ANO4: variants seen among roughly 807,000 people sequenced by gnomAD.
ANO4 encodes anoctamin 4, also known as anoctamin-4.
A neutral mutation model predicts 141.9 loss-of-function variants in ANO4; 69 were observed. That is an observed-to-expected ratio of 0.49 (90% CI 0.40 to 0.59). The LOEUF (loss-of-function observed/expected upper bound fraction) is 0.59, where lower values mean the gene tolerates loss of function less well. Ranked by LOEUF, ANO4 falls within the 20% of genes least tolerant of loss-of-function variation. ANO4 has a pLI of 0.00. For synonymous variants in ANO4, 350 were observed against 394.3 expected (o/e 0.89, Z 1.33); for missense variants, 894 against 1,162.2 (o/e 0.77, Z 3.36).
intron 3 of ANO4, among the ~76,000 whole-genome samples, chr12:100,784,968 C>T (rs1387069989): frequency 6.6e-6 from 1 of 151,758 alleles, no homozygotes; most frequent in Non-Finnish European, 1.5e-5. Context: ...TATTCTCTCT[C>T]TCTCTTTCTC....
intron 25 of ANO4, among the ~76,000 whole-genome samples, chr12:101,118,711 T>A (rs1377440311): frequency 6.6e-6 from 1 of 152,250 alleles, no homozygotes; most frequent in Admixed American, 6.5e-5. Context: ...GAGCTTTCTT[T>A]TTATTTATTT....
chr12:100,847,922 T>C (rs1263275994), intron 1 of ANO4, among the ~76,000 whole-genome samples: 1 of 152,204 alleles, frequency 6.6e-6, no homozygotes, highest in East Asian at 1.9e-4. Flanking sequence ...TTGCCTCAGG[T>C]GGTGAAAAAC....
chr12:101,062,040 G>T (rs959381882), intron 14 of ANO4, among the ~76,000 whole-genome samples: 3 of 152,118 alleles, frequency 2.0e-5, no homozygotes, highest in African/African-American at 7.2e-5. Context: ...GGTCTTTGAT[G>T]TTGGTGATCT....
At position 100,941,897 on chromosome 12, in the gene ANO4, T is replaced by C. The variant is rs186205079; in HGVS notation, c.298-480T>C. ...AACTCAATGCTTCTTCCAATTTTTA[T>C]TTTGTTTCCTCTTGATTACATTTTT... is the stretch of plus-strand genomic sequence containing the variant. On this transcript the variant is annotated intron_variant, in intron 4 of 27. Transcript: ENST00000392977. 2.6e-3 allele frequency among the ~76,000 whole-genome samples: 391 copies of C among 151,578 alleles called. 1 individual carries two copies. Among genetic ancestry groups the C allele is most frequent in the Middle Eastern group, 6.8e-3 (2 of 292 alleles).
chr12:100,988,238 A>G (rs1453733941), intron 8 of ANO4, among the ~76,000 whole-genome samples: 1 of 152,110 alleles, frequency 6.6e-6, no homozygotes, highest in Non-Finnish European at 1.5e-5. Context: ...GGGAGGAAAA[A>G]CAAGTTGGCT....
In ANO4 at chr12:101,086,786, G is replaced by C. The variant is rs771350203; in HGVS notation, c.1663G>C (p.Val555Leu). The change falls in exon 17 of 28, where the codon GTG becomes CTG. Residue 555 changes from valine (V) to leucine (L), a missense_variant. Around this residue, in one of 2 missense-constraint regions of ANO4, gnomAD observed 637 missense variants for 909.2 expected, o/e 0.70. Transcript: ENST00000392977. The stretch of plus-strand genomic sequence containing the variant: ...TCAGGTTGCAACCACAGGGACTGCT[G>C]TGTGCATCAACTTCTGTATCATTAT... ...NSQVATTGTA[V>L]CINFCIIMLL... The C allele has an allele frequency of 6.2e-7, 1 of 1,613,682 alleles. No individual in the cohort carries two copies. The highest frequency in any genetic ancestry group is 1.3e-5 in the African/African-American group (1 of 74,894).
chr12:101,005,178 A>T (rs1001104027), intron 8 of ANO4, among the ~76,000 whole-genome samples: 10 of 152,206 alleles, frequency 6.6e-5, no homozygotes, highest in African/African-American at 2.2e-4. Flanking sequence ...GCAAAACCTT[A>T]CTATTGACTG....
At chr12:100,834,162 A>G (rs1427280340) in intron 1 of ANO4, among the ~76,000 whole-genome samples, 1 of 152,158 alleles carries the variant, frequency 6.6e-6, no homozygotes, top group Non-Finnish European at 1.5e-5. Flanking sequence ...CACCGAGGTG[A>G]ATGAGCTCTG....
chr12:100,984,606 G>T (rs915489465), intron 7 of ANO4, among the ~76,000 whole-genome samples: 2 of 152,106 alleles, frequency 1.3e-5, no homozygotes, highest in Non-Finnish European at 2.9e-5. Flanking sequence ...GATGATTATT[G>T]TTACTATTAC....
chr12:100,988,881 AAAAAAAAG>A (rs746544904), intron 8 of ANO4, among the ~76,000 whole-genome samples: 11,353 of 145,282 alleles, frequency 0.078, 982 homozygotes, highest in South Asian at 0.15. Context: ...AGAAAAAAAA[AAAAAAAAG>A]AAAGAAAAAC....
At chr12:100,749,024 C>T (rs1006770121) in intron 3 of ANO4, among the ~76,000 whole-genome samples, 5 of 152,048 alleles carry the variant, frequency 3.3e-5, no homozygotes, top group African/African-American at 1.2e-4. Flanking sequence ...TTGTGGTTTC[C>T]TAAGATGCTG....
chr12:100,864,939 T>A (rs558603743), intron 1 of ANO4, among the ~76,000 whole-genome samples: 46 of 152,284 alleles, frequency 3.0e-4, no homozygotes, highest in Middle Eastern at 3.4e-3. Flanking sequence ...CATGCAGTGT[T>A]TGGTTTTCTG....
At position 100,977,077 on chromosome 12, in the gene ANO4, A is replaced by G. The variant is rs536087280; in HGVS notation, c.602+2188A>G. On this transcript the variant is annotated intron_variant, in intron 7 of 27. Transcript: ENST00000392977. ...AAAATGATATTAACTTCTCCCCTGT[A>G]TGGTTTATGTGAGGTTTAGTGCCTA... Among the ~76,000 whole-genome samples the G allele has an allele frequency of 3.9e-5, 6 of 152,282 alleles. No individual in the cohort carries two copies. In the South Asian group the frequency reaches 1.2e-3, roughly 32 times the overall value.
At chr12:100,842,295 G>C (rs2037310329) in intron 1 of ANO4, 1 of 151,724 alleles carries the variant, frequency 6.6e-6, no homozygotes, top group African/African-American at 2.4e-5. Flanking sequence ...CATCTTTTAT[G>C]TGGTTGTTTT....
intron 5 of ANO4, among the ~76,000 whole-genome samples, chr12:100,961,824 C>T (rs2043439134): frequency 6.6e-6 from 1 of 152,158 alleles, no homozygotes; most frequent in East Asian, 1.9e-4. Flanking sequence ...TACTGTACTG[C>T]CAGTATAGCT....
chr12:100,774,422 G>T (rs1316823422), intron 3 of ANO4, among the ~76,000 whole-genome samples: 9 of 152,170 alleles, frequency 5.9e-5, no homozygotes, highest in East Asian at 1.9e-4. Context: ...AGGTCATGGG[G>T]TGTAACTAAT....
chr12:100,769,076 A>T (rs1320649762), intron 3 of ANO4, among the ~76,000 whole-genome samples: 1 of 152,232 alleles, frequency 6.6e-6, no homozygotes, highest in African/African-American at 2.4e-5. Context: ...TACAATGACA[A>T]AAAACCTATT....
In ANO4 at chr12:100,920,516, T is replaced by C. The variant is rs1424672275; in HGVS notation, c.56-1710T>C. Among the ~76,000 whole-genome samples the C allele has an allele frequency of 1.6e-4, 5 of 31,054 alleles. No homozygotes were observed. The East Asian group carries it at 2.4e-3, about 15-fold the overall frequency. 20.4% of individuals were successfully genotyped at this position (31,054 alleles called of 152,430 possible). ...TGAGATTGAAAAGCATCAGAACTTT[T>C]CTTTACCCATTAGAAGTAACTGGCC... On this transcript the variant is annotated intron_variant, in intron 2 of 27. Coordinates refer to ENST00000392977, the MANE Select transcript of ANO4 (RefSeq NM_001286615.2).
intron 14 of ANO4, among the ~76,000 whole-genome samples, chr12:101,059,327 T>C (rs1483139078): frequency 2.6e-5 from 4 of 152,244 alleles, no homozygotes; most frequent in Non-Finnish European, 4.4e-5. Flanking sequence ...AATTTTCTTT[T>C]TTTGTTGTGT....
Sources: gnomAD v4.1 joint callset for allele counts (sites outside exome capture counted in the v4.1 genomes callset) on GRCh38, gnomAD v4.1.1 for gene constraint, gnomAD v4.1.1 regional missense constraint, MANE v1.5 for transcripts, NCBI Gene and HGNC (gene_info 2026-07-23, HGNC 2026-07-21) for gene names.